The following MACF1 variants were observed in gnomAD, a reference collection of about 807,000 sequenced individuals.
MACF1 encodes the protein microtubule actin crosslinking factor 1, also known as microtubule-actin cross-linking factor 1.
A neutral mutation model predicts 854.8 loss-of-function variants in MACF1; 193 were observed. That is an observed-to-expected ratio of 0.23 (90% CI 0.20 to 0.25). The LOEUF is 0.25. Among genes scored for constraint, MACF1 ranks in the 10% least tolerant of loss-of-function variants. The pLI is 1.00. For missense variants in MACF1, 7,722 were observed against 8,929.1 expected, an observed-to-expected ratio of 0.86 and a Z score of 5.45; for synonymous variants, 3,185 against 3,226.7, an observed-to-expected ratio of 0.99 and a Z score of 0.44.
At chr1:39,446,272 G>A (rs986848622) in intron 80 of MACF1, among the ~76,000 whole-genome samples, 1 of 151,006 alleles carries the variant, frequency 6.6e-6, no homozygotes, top group Non-Finnish European at 1.5e-5. Context: ...AGAATATAAA[G>A]ATATAAATTA....
chr1:39,259,277 A>G (rs1335228619), intron 6 of MACF1, among the ~76,000 whole-genome samples: 1 of 152,098 alleles, frequency 6.6e-6, no homozygotes, highest in African/African-American at 2.4e-5. Context: ...CAACTAAATT[A>G]ATTTCCTTTT....
intron 2 of MACF1, among the ~76,000 whole-genome samples, chr1:39,162,757 A>G (rs1643827057): frequency 1.3e-5 from 2 of 152,292 alleles, no homozygotes; most frequent in Middle Eastern, 3.4e-3. Context: ...GAGATAGTGA[A>G]TATAACATCT....
chr1:39,094,026 C>T (rs1192229638), intron 2 of MACF1, among the ~76,000 whole-genome samples: 1 of 152,056 alleles, frequency 6.6e-6, no homozygotes, highest in African/African-American at 2.4e-5. Flanking sequence ...TGATCCACCG[C>T]CTCGGCCTCC....
At chr1:39,094,184 C>T (rs2148124020) in intron 2 of MACF1, among the ~76,000 whole-genome samples, 1 of 152,182 alleles carries the variant, frequency 6.6e-6, no homozygotes, top group South Asian at 2.1e-4. Context: ...GTGACTCATA[C>T]CTGTAATCCC....
At chr1:39,434,275 CT>C (rs2148655693) in intron 68 of MACF1, 138 bp from the exon 69 acceptor site, 1 of 424,538 alleles carries the variant, frequency 2.4e-6, no homozygotes, top group East Asian at 3.4e-5. Flanking sequence ...ATAAAAATCA[CT>C]TGTAATCTTT....
At chr1:39,171,109 G>A (rs965216584) in intron 2 of MACF1, among the ~76,000 whole-genome samples, 2 of 152,040 alleles carry the variant, frequency 1.3e-5, no homozygotes, top group Admixed American at 6.6e-5. Context: ...TGGTCCAACA[G>A]CAATGAAGTC....
chr1:39,422,334 A>G (rs752988721), intron 58 of MACF1, 40 bp from the exon 59 acceptor site: 18 of 1,576,340 alleles, frequency 1.1e-5, no homozygotes, highest in Non-Finnish European at 1.6e-5. Context: ...AGAGTCTAAT[A>G]GCCTTTGTAT....
chr1:39,468,631 A>C lies in MACF1; in HGVS notation c.21788A>C (p.Gln7263Pro). Reference sequence around the variant, plus strand: ...ATTCTACAGTTTGGGGATTCTCAGCAGTTGCGGCTGGTCCGTATTCTGCGC... The same window carrying C: ...ATTCTACAGTTTGGGGATTCTCAGCCGTTGCGGCTGGTCCGTATTCTGCGC... ...FLGNQFGDSQQLRLVRILRST... is the reference protein window; with the variant it reads ...FLGNQFGDSQPLRLVRILRST... Residue 7263 changes from glutamine to proline, a missense_variant, in exon 96 of 101, where the codon CAG becomes CCG. Gln to Pro is a moderately conservative substitution (Grantham distance 76). Coordinates refer to ENST00000564288, the MANE Select transcript of MACF1 (RefSeq NM_001394062.1). 6.2e-7 allele frequency: 1 copy of C among 1,614,104 alleles called. No homozygotes were observed.
chr1:39,361,094 T>G, intron 48 of MACF1, 93 bp downstream of exon 48: 1 of 1,018,092 alleles, frequency 9.8e-7, no homozygotes, highest in Admixed American at 2.2e-5. Flanking sequence ...GGGAACCTAA[T>G]ATCTGTGAAT....
At chr1:39,439,576 A>G (rs893305170) in intron 72 of MACF1, 76 bp downstream of exon 72, 1 of 1,168,308 alleles carries the variant, frequency 8.6e-7, no homozygotes, top group Non-Finnish European at 1.2e-6. Context: ...AAAGTGAGGT[A>G]TGTTAACTGC....
chr1:39,164,769 A>C (rs1557492275), intron 2 of MACF1, among the ~76,000 whole-genome samples: 1 of 152,190 alleles, frequency 6.6e-6, no homozygotes, highest in Non-Finnish European at 1.5e-5. Flanking sequence ...GCTAGCACCG[A>C]GGTAATAAAT....
At chr1:39,389,351 GTTTTTTT>G (rs10588247) in intron 58 of MACF1, among the ~76,000 whole-genome samples, 5 of 63,470 alleles carry the variant, frequency 7.9e-5, no homozygotes, top group Non-Finnish European at 1.4e-4. Flanking sequence ...GTTTTTGTGT[GTTTTTTT>G]TTTTTTTTTT....
chr1:39,318,344 G>T, intron 29 of MACF1, 109 bp from the exon 30 acceptor site: 1 of 952,742 alleles, frequency 1.0e-6, no homozygotes, highest in Non-Finnish European at 1.6e-6. Context: ...AAGATGGATC[G>T]TTTGTGGTCA....
intron 2 of MACF1, among the ~76,000 whole-genome samples, chr1:39,138,783 G>A (rs1270702073): frequency 1.3e-5 from 2 of 151,856 alleles, no homozygotes; most frequent in African/African-American, 2.4e-5. Context: ...TCCTGCCTCA[G>A]CCTCCTGAGT....
chr1:39,272,064 A>G (rs1645332423), intron 6 of MACF1, among the ~76,000 whole-genome samples: 1 of 152,204 alleles, frequency 6.6e-6, no homozygotes, highest in Non-Finnish European at 1.5e-5. Flanking sequence ...CATACTACTT[A>G]TGTATAGCCA....
intron 40 of MACF1, among the ~76,000 whole-genome samples, chr1:39,344,260 T>C (rs1370565503): frequency 1.3e-5 from 2 of 151,490 alleles, no homozygotes; most frequent in African/African-American, 2.4e-5. Context: ...AAACCCCATC[T>C]CTACTAAAAA....
intron 1 of MACF1, among the ~76,000 whole-genome samples, chr1:39,205,745 A>G (rs1422995050): frequency 2.0e-5 from 3 of 152,126 alleles, no homozygotes; most frequent in African/African-American, 7.2e-5. Flanking sequence ...TGTTCAATGC[A>G]AGGAAGTTAA....
chr1:39,392,279 G>A (rs551296989), intron 58 of MACF1, among the ~76,000 whole-genome samples: 6 of 152,188 alleles, frequency 3.9e-5, no homozygotes, highest in African/African-American at 7.2e-5. Flanking sequence ...CCAGGAGGCC[G>A]CATAAAGGGA....
rs150819603 is a variant in MACF1 at position 39,333,853 on chromosome 1, T to C, written c.7265T>C (p.Val2422Ala). 1.9e-6 allele frequency: 3 copies of C among 1,614,182 alleles called. No homozygotes were observed. Among genetic ancestry groups the C allele is most frequent in the Non-Finnish European group, 2.5e-6 (3 of 1,180,026 alleles). The change falls in exon 37 of 101, where the codon GTA (valine) becomes GCA (alanine). Residue 2422 changes from valine (V) to alanine (A), a missense_variant. By Grantham distance (64) the Val-to-Ala change is moderately conservative. Around this residue, in one of 15 missense-constraint regions of MACF1, gnomAD observed 1,531 missense variants for 1,601.6 expected, o/e 0.96. Coordinates refer to ENST00000564288, the MANE Select transcript of MACF1 (RefSeq NM_001394062.1). ...CTGAAACGAGGCAAAAAAGTTTCAG[T>C]AACTTTGGCCTCAACTCTTGGCTTG... The part of the protein sequence containing the change: ...IDLKRGKKVS[V>A]TLASTLGLVD...
Sources: gnomAD v4.1 joint callset for allele counts (sites outside exome capture counted in the v4.1 genomes callset) on GRCh38, gnomAD v4.1.1 for gene constraint, gnomAD v4.1.1 regional missense constraint, MANE v1.5 for transcripts, NCBI Gene and HGNC (gene_info 2026-07-23, HGNC 2026-07-21) for gene names.